Variants in CLOCK observed in about 807,000 individuals in gnomAD.
The protein encoded by CLOCK is circadian locomoter output cycles protein kaput.
In CLOCK, 43 loss-of-function variants were observed where a neutral mutation model predicts 118.4. The ratio of observed to expected loss-of-function variants is 0.36; its 90% CI spans 0.28 to 0.47. The LOEUF (loss-of-function observed/expected upper bound fraction) is 0.47. Ranked by LOEUF, CLOCK falls within the 20% of genes least tolerant of loss-of-function variation. CLOCK has a pLI of 1.00. For synonymous variants in CLOCK, 326 were observed against 339.2 expected, an observed-to-expected ratio of 0.96 and a Z score of 0.43; for missense variants, 846 against 999.9, an observed-to-expected ratio of 0.85 and a Z score of 2.08.
intron 21 of CLOCK, 61 bp downstream of exon 21, chr4:55,442,371 T>G: frequency 7.1e-7 from 1 of 1,417,122 alleles, no homozygotes; most frequent in Non-Finnish European, 1.0e-6. Flanking sequence ...GAAATCAAAT[T>G]ATTGTTTTCT....
At chr4:55,469,777 G>A (rs951030060) in intron 8 of CLOCK, among the ~76,000 whole-genome samples, 17 of 152,118 alleles carry the variant, frequency 1.1e-4, no homozygotes, top group African/African-American at 3.9e-4. Flanking sequence ...GCACCATCAC[G>A]GCCCACTGTA....
intron 2 of CLOCK, among the ~76,000 whole-genome samples, chr4:55,491,755 AC>A (rs1483448241): frequency 3.9e-5 from 6 of 152,188 alleles, no homozygotes; most frequent in African/African-American, 1.4e-4. Context: ...GGAATGCTAT[AC>A]AACAAAGAGA....
At chr4:55,496,283 T>G (rs1048758630) in intron 2 of CLOCK, among the ~76,000 whole-genome samples, 1 of 148,270 alleles carries the variant, frequency 6.7e-6, no homozygotes, top group Non-Finnish European at 1.5e-5. Flanking sequence ...AAAAAAAAAC[T>G]GTGCCAGCTC....
At chr4:55,482,931 G>A (rs1215796681) in intron 3 of CLOCK, 103 bp from the exon 4 acceptor site, 11 of 532,178 alleles carry the variant, frequency 2.1e-5, no homozygotes, top group Non-Finnish European at 3.3e-5. Flanking sequence ...ACTTCAAAAC[G>A]TTTTGTTTGT....
At chr4:55,455,031 C>A (rs192736127) in intron 13 of CLOCK, among the ~76,000 whole-genome samples, 45 of 152,172 alleles carry the variant, frequency 3.0e-4, no homozygotes, top group African/African-American at 1.1e-3. Context: ...TGAAAATTTT[C>A]CATAGAGTTA....
chr4:55,510,448 G>A (rs1729066354), intron 1 of CLOCK, among the ~76,000 whole-genome samples: 1 of 152,026 alleles, frequency 6.6e-6, no homozygotes, highest in Non-Finnish European at 1.5e-5. Flanking sequence ...CCAACATGGT[G>A]AAACCTCGTC....
intron 15 of CLOCK, chr4:55,452,197 C>CT (rs1241173801): frequency 6.6e-6 from 1 of 152,134 alleles, no homozygotes; most frequent in Non-Finnish European, 1.5e-5. Flanking sequence ...AGGTATCAAT[C>CT]CTGTGATTAG....
chr4:55,519,889 G>A (rs1412811032), intron 1 of CLOCK, among the ~76,000 whole-genome samples: 4 of 152,124 alleles, frequency 2.6e-5, no homozygotes, highest in African/African-American at 4.8e-5. Context: ...TCTTTCCTCT[G>A]CCAAAGGGAA....
chr4:55,523,663 T>C (rs1406827009), intron 1 of CLOCK, among the ~76,000 whole-genome samples: 1 of 152,202 alleles, frequency 6.6e-6, no homozygotes, highest in Non-Finnish European at 1.5e-5. Context: ...CCAGGTTTCA[T>C]ATACATCTCT....
intron 1 of CLOCK, among the ~76,000 whole-genome samples, chr4:55,528,283 T>G (rs1442203018): frequency 1.3e-5 from 2 of 151,768 alleles, no homozygotes; most frequent in African/African-American, 4.8e-5. Context: ...GAGGCAGAGG[T>G]TGCAGTGAGC....
intron 1 of CLOCK, among the ~76,000 whole-genome samples, chr4:55,518,819 T>C (rs1168454402): frequency 6.6e-6 from 1 of 152,184 alleles, no homozygotes; most frequent in Non-Finnish European, 1.5e-5. Context: ...CAGACTAAGA[T>C]ACTTTGTTAC....
intron 8 of CLOCK, among the ~76,000 whole-genome samples, chr4:55,464,172 A>T (rs1725568328): frequency 6.6e-6 from 1 of 152,248 alleles, no homozygotes; most frequent in Non-Finnish European, 1.5e-5. Flanking sequence ...CCTACTATAA[A>T]GGACTATGCA....
intron 14 of CLOCK, chr4:55,453,426 A>T (rs191331720): frequency 4.1e-6 from 2 of 484,014 alleles, no homozygotes; most frequent in Admixed American, 3.7e-5. Context: ...CATGACTGAC[A>T]TTACTACATA....
rs2109576266 is a variant in CLOCK, at chr4:55,427,918, A to AAAT, written c.*7494_*7496dup. 1 of 152,346 alleles carries AAAT rather than the reference A, an allele frequency of 6.6e-6. No homozygotes were observed. Among genetic ancestry groups the AAAT allele is most frequent in the South Asian group, 2.1e-4 (1 of 4,830 alleles). 9.4% of individuals were successfully genotyped at this position (152,346 alleles called of 1,614,324 possible). On this transcript the variant is annotated 3_prime_UTR_variant, in exon 23 of 23. Coordinates refer to ENST00000513440, the MANE Select transcript of CLOCK (RefSeq NM_004898.4). ...GGAAATGTCATTGATAGTGATCTTA[A>AAAT]AATATTTAATAGTCTTTCTTTAAAA... is the stretch of plus-strand genomic sequence containing the variant.
chr4:55,519,812 A>G (rs6554282), intron 1 of CLOCK, among the ~76,000 whole-genome samples: 114,480 of 151,906 alleles, frequency 0.75, 43,467 homozygotes, highest in East Asian at 0.9. Context: ...ATAAATAAAC[A>G]TCATTGAACA....
chr4:55,488,437 T>C (rs1228371335), intron 3 of CLOCK, among the ~76,000 whole-genome samples: 1 of 152,240 alleles, frequency 6.6e-6, no homozygotes, highest in Non-Finnish European at 1.5e-5. Flanking sequence ...CAAAATGTCA[T>C]ATACTTAAAA....
intron 1 of CLOCK, among the ~76,000 whole-genome samples, chr4:55,511,560 C>G (rs995700505): frequency 6.6e-6 from 1 of 152,164 alleles, no homozygotes; most frequent in Non-Finnish European, 1.5e-5. Context: ...CAGCCTTCCC[C>G]ATATTCAACA....
At chr4:55,502,924 A>C (rs1456270679) in intron 2 of CLOCK, among the ~76,000 whole-genome samples, 4 of 152,188 alleles carry the variant, frequency 2.6e-5, no homozygotes, top group African/African-American at 4.8e-5. Context: ...ATCATCAGGG[A>C]ATTACGAATT....
chr4:55,512,046 T>C (rs931557837), intron 1 of CLOCK, among the ~76,000 whole-genome samples: 3 of 151,994 alleles, frequency 2.0e-5, no homozygotes, highest in Non-Finnish European at 4.4e-5. Context: ...TTGGCAATTA[T>C]TGAAAAGGAT....
Sources: gnomAD v4.1 joint callset for allele counts (sites outside exome capture counted in the v4.1 genomes callset) on GRCh38, gnomAD v4.1.1 for gene constraint, MANE v1.5 for transcripts, NCBI Gene and HGNC (gene_info 2026-07-23, HGNC 2026-07-21) for gene names.